The following ATP2B2 variants were observed in gnomAD, a reference collection of about 807,000 sequenced individuals.
ATP2B2 encodes the protein plasma membrane calcium-transporting ATPase 2.
A neutral mutation model predicts 120.0 loss-of-function variants in ATP2B2; 15 were observed. The ratio of observed to expected loss-of-function variants is 0.12; its 90% CI spans 0.08 to 0.19. The LOEUF (loss-of-function observed/expected upper bound fraction) is 0.19, where lower values mean the gene tolerates loss of function less well. ATP2B2 is among the 10% of genes least tolerant of loss of function. The pLI is 1.00. For missense variants in ATP2B2, 1,045 were observed against 1,719.8 expected (o/e 0.61, Z 6.94); for synonymous variants, 694 against 700.3 (o/e 0.99, Z 0.14).
intron 12 of ATP2B2, among the ~76,000 whole-genome samples, chr3:10,370,624 C>T (rs1419262411): frequency 2.0e-5 from 3 of 152,220 alleles, no homozygotes; most frequent in Admixed American, 6.5e-5. Context: ...TCCTCCTTCC[C>T]CTACCAGCCC....
chr3:10,522,999 G>T (rs1443251469), intron 3 of ATP2B2, among the ~76,000 whole-genome samples: 1 of 152,242 alleles, frequency 6.6e-6, no homozygotes, highest in Non-Finnish European at 1.5e-5. Flanking sequence ...CTCCACAGCT[G>T]ATAGATGCAC....
Position 10,340,139 on chromosome 3 carries a change from C to T in ATP2B2, c.3237+103G>A, listed in dbSNP as rs2060232688. The T allele has an allele frequency of 3.6e-6, 4 of 1,107,592 alleles. No individual in the cohort carries two copies. The highest frequency in any genetic ancestry group is 3.1e-5 in the African/African-American group (2 of 65,110). The allele number at this position is 1,107,592 out of a possible 1,614,324, so 68.6% of individuals were successfully genotyped here. A position where few individuals can be genotyped will look rare whatever the true frequency, so the allele number is the denominator to read the frequency against. On this transcript the variant is annotated intron_variant, in intron 21 of 22. Coordinates refer to ENST00000360273, the MANE Select transcript of ATP2B2 (RefSeq NM_001001331.4). The surrounding 1 kb of genome is among the most constrained non-coding windows in gnomAD (Gnocchi z 5.0). ...ATGTCCAGAGATAGGGAGGAGCTTG[C>T]CTGGGGTCTGGCAGCCCATTCCTGG...
chr3:10,348,807 G>A (rs1320855242), intron 16 of ATP2B2, among the ~76,000 whole-genome samples: 1 of 152,198 alleles, frequency 6.6e-6, no homozygotes, highest in Non-Finnish European at 1.5e-5. Context: ...CCTGGCCCAT[G>A]AATTCCACGT....
At chr3:10,499,287 C>A (rs766717436) in intron 1 of ATP2B2, among the ~76,000 whole-genome samples, 2 of 152,194 alleles carry the variant, frequency 1.3e-5, no homozygotes, top group Non-Finnish European at 2.9e-5. Flanking sequence ...CTACCTGGAC[C>A]ACACCCGGGC....
chr3:10,693,412 G>A (rs2071698875), intron 1 of ATP2B2, among the ~76,000 whole-genome samples: 2 of 152,188 alleles, frequency 1.3e-5, no homozygotes, highest in South Asian at 4.1e-4. Context: ...CTCTGGTGTG[G>A]GAGCACTGCA....
chr3:10,587,658 G>T (rs1240983256), intron 2 of ATP2B2, among the ~76,000 whole-genome samples: 1 of 152,180 alleles, frequency 6.6e-6, no homozygotes, highest in East Asian at 1.9e-4. Context: ...GGGATTACAG[G>T]CATGAGCCAC....
At chr3:10,478,798 G>A (rs2065295258) in intron 1 of ATP2B2, among the ~76,000 whole-genome samples, 1 of 152,226 alleles carries the variant, frequency 6.6e-6, no homozygotes, top group Non-Finnish European at 1.5e-5. Flanking sequence ...CTAACTGGCT[G>A]ATGTGGTTTG....
chr3:10,519,675 C>G (rs1432051538), intron 3 of ATP2B2, among the ~76,000 whole-genome samples: 2 of 152,206 alleles, frequency 1.3e-5, no homozygotes, highest in Non-Finnish European at 2.9e-5. Flanking sequence ...TAAGCCACCT[C>G]GTCCCATGAA....
chr3:10,463,505 C>T (rs1419876085), intron 1 of ATP2B2, among the ~76,000 whole-genome samples: 1 of 152,238 alleles, frequency 6.6e-6, no homozygotes, highest in Admixed American at 6.5e-5. Flanking sequence ...ATATGAACCC[C>T]AGGAAGGAGC....
intron 2 of ATP2B2, among the ~76,000 whole-genome samples, chr3:10,619,131 C>T (rs1028045602): frequency 1.3e-5 from 2 of 152,188 alleles, no homozygotes; most frequent in African/African-American, 2.4e-5. Context: ...TTCCAGAGAA[C>T]TGCCAGATAG....
At chr3:10,622,598 C>T (rs999126760) in intron 1 of ATP2B2, among the ~76,000 whole-genome samples, 66 of 152,102 alleles carry the variant, frequency 4.3e-4, no homozygotes, top group African/African-American at 1.4e-3. Flanking sequence ...GCAGTGGATG[C>T]GGGAGGCTGA....
At position 10,683,028 on chromosome 3, in the gene ATP2B2, T is replaced by C. The variant is rs185896889; in HGVS notation, c.-460+24887A>G. 3.6e-3 allele frequency among the ~76,000 whole-genome samples: 547 copies of C among 152,284 alleles called. 3 individuals carry two copies. Among genetic ancestry groups the C allele is most frequent in the Non-Finnish European group, 5.9e-3 (400 of 68,018 alleles). ...GACAGGGACATAAAACGAATGTGGA[T>C]ACTAATAATAATCATGCAAATGGCC... On this transcript the variant is annotated intron_variant, in intron 1 of 21. Coordinates refer to the ATP2B2 transcript ENST00000646379.
At chr3:10,558,196 C>T (rs531548965) in intron 2 of ATP2B2, among the ~76,000 whole-genome samples, 30 of 152,164 alleles carry the variant, frequency 2.0e-4, no homozygotes, top group Non-Finnish European at 3.2e-4. Flanking sequence ...CCCCAGCACC[C>T]GCACTCTCAG....
chr3:10,682,981 C>T (rs1463694886), intron 1 of ATP2B2, among the ~76,000 whole-genome samples: 1 of 152,130 alleles, frequency 6.6e-6, no homozygotes, highest in Non-Finnish European at 1.5e-5. Context: ...CATGTTAGCC[C>T]TCTGTATGCA....
At chr3:10,420,681 G>A (rs180865523) in intron 2 of ATP2B2, among the ~76,000 whole-genome samples, 4 of 152,326 alleles carry the variant, frequency 2.6e-5, no homozygotes, top group East Asian at 1.9e-4. Context: ...GTTTTTTCAC[G>A]TGCAGCCTGA....
Position 10,417,759 on chromosome 3 carries a change from G to A in ATP2B2, c.200-6944C>T, listed in dbSNP as rs541176611. On this transcript the variant is annotated intron_variant, in intron 2 of 22. Transcript: ENST00000360273. ...AGGATCGCCTGGCAGAAGTGTAGTT[G>A]TAATTGGGTGAGCTTGGAAGGAGTG... Among the ~76,000 whole-genome samples, 68 of 152,298 alleles carry A rather than the reference G, an allele frequency of 4.5e-4. 1 individual carries two copies. Among genetic ancestry groups the A allele is most frequent in the African/African-American group, 1.6e-3 (68 of 41,552 alleles).
intron 2 of ATP2B2, among the ~76,000 whole-genome samples, chr3:10,542,944 C>T (rs925858304): frequency 6.6e-6 from 1 of 152,126 alleles, no homozygotes; most frequent in Non-Finnish European, 1.5e-5. Context: ...TCCTCTTTTT[C>T]TCACCTCCTT....
chr3:10,600,250 C>T (rs955492634), intron 2 of ATP2B2, among the ~76,000 whole-genome samples: 4 of 152,304 alleles, frequency 2.6e-5, no homozygotes, highest in Admixed American at 6.5e-5. Flanking sequence ...CCAGAAGTGC[C>T]GTTAACTGGA....
chr3:10,369,587 A>G (rs779652180), intron 12 of ATP2B2, among the ~76,000 whole-genome samples: 1 of 152,106 alleles, frequency 6.6e-6, no homozygotes, highest in South Asian at 2.1e-4. Flanking sequence ...CATTGCTACA[A>G]ATGGAATCCT....
Sources: gnomAD v4.1 joint callset for allele counts (sites outside exome capture counted in the v4.1 genomes callset) on GRCh38, gnomAD v4.1.1 for gene constraint, Gnocchi (gnomAD v3.1) non-coding constraint, MANE v1.5 for transcripts, NCBI Gene and HGNC (gene_info 2026-07-23, HGNC 2026-07-21) for gene names.